The following WASL variants were observed in gnomAD, a reference collection of about 807,000 sequenced individuals.
WASL encodes the protein actin nucleation-promoting factor WASL.
Under a neutral mutation model 55.5 loss-of-function variants are expected in WASL, and 20 were observed. The ratio of observed to expected loss-of-function variants is 0.36; its 90% CI spans 0.25 to 0.52. The LOEUF (loss-of-function observed/expected upper bound fraction) is 0.52. Ranked by LOEUF, WASL falls within the 20% of genes least tolerant of loss-of-function variation. The pLI is 0.92. For missense variants in WASL, 504 were observed against 622.5 expected (o/e 0.81, Z 2.03); for synonymous variants, 249 against 217.6 (o/e 1.14, Z -1.27).
intron 1 of WASL, among the ~76,000 whole-genome samples, chr7:123,735,531 T>C (rs903364349): frequency 2.6e-5 from 4 of 152,222 alleles, no homozygotes; most frequent in South Asian, 2.1e-4. Context: ...ATTAGAACAA[T>C]TGTTATATCT....
chr7:123,711,693 TTAAG>T (rs530006936), intron 1 of WASL, among the ~76,000 whole-genome samples: 104 of 152,238 alleles, frequency 6.8e-4, no homozygotes, highest in African/African-American at 1.5e-3. Context: ...AGTGACTTAA[TTAAG>T]TTTTTACAGA....
intron 1 of WASL, among the ~76,000 whole-genome samples, chr7:123,719,997 G>T (rs1803913383): frequency 6.6e-6 from 1 of 152,018 alleles, no homozygotes; most frequent in Non-Finnish European, 1.5e-5. Context: ...GTTCACTTAG[G>T]TCTTCTCAGC....
chr7:123,748,929 A>G lies in WASL; in HGVS notation c.-195T>C. On this transcript the variant is annotated 5_prime_UTR_variant, in exon 1 of 11. Coordinates refer to ENST00000223023, the MANE Select transcript of WASL (RefSeq NM_003941.4). ...GGCGAGCCACCTTCGCGCCGCGCTG[A>G]GAAAGGGAAGCTCCCGGCACCCGCC... The G allele has an allele frequency of 1.8e-5, 10 of 568,418 alleles. No homozygotes were observed. 35.2% of individuals were successfully genotyped at this position (568,418 alleles called of 1,614,324 possible).
chr7:123,694,288 A>G (rs999302989), intron 8 of WASL, among the ~76,000 whole-genome samples: 3 of 152,206 alleles, frequency 2.0e-5, no homozygotes, highest in Non-Finnish European at 4.4e-5. Context: ...TTCATACTTT[A>G]TCCAAGAAAA....
At chr7:123,708,447 T>C (rs999714125) in intron 2 of WASL, among the ~76,000 whole-genome samples, 12 of 152,290 alleles carry the variant, frequency 7.9e-5, no homozygotes, top group Non-Finnish European at 1.2e-4. Flanking sequence ...GGAGGCTTAC[T>C]TACAGAAAGG....
At chr7:123,740,160 T>C (rs1450198318) in intron 1 of WASL, among the ~76,000 whole-genome samples, 2 of 152,034 alleles carry the variant, frequency 1.3e-5, no homozygotes, top group African/African-American at 4.8e-5. Context: ...AGTAAAGGAG[T>C]TGATTGATAA....
intron 1 of WASL, among the ~76,000 whole-genome samples, chr7:123,723,609 G>A (rs1803991565): frequency 6.6e-6 from 1 of 152,172 alleles, no homozygotes; most frequent in Non-Finnish European, 1.5e-5. Flanking sequence ...CCAGGAACAA[G>A]CACTTGTGCT....
chr7:123,728,576 T>C (rs962533376), intron 1 of WASL, among the ~76,000 whole-genome samples: 1 of 152,128 alleles, frequency 6.6e-6, no homozygotes, highest in Non-Finnish European at 1.5e-5. Context: ...GCGCAGCGGC[T>C]CACACCTGTG....
rs539190410 is a variant in WASL, at chr7:123,727,261, C to G, written c.118-18038G>C. ...AAAGATTGCACAACCACTTGGAGAA[C>G]TATCTGAAAGTTTCTTATAAAAATA... On this transcript the variant is annotated intron_variant, in intron 1 of 10. Coordinates refer to ENST00000223023, the MANE Select transcript of WASL (RefSeq NM_003941.4). 1.4e-4 allele frequency among the ~76,000 whole-genome samples: 22 copies of G among 151,946 alleles called. No individual in the cohort carries two copies. In the South Asian group the frequency reaches 4.4e-3, roughly 30 times the overall value.
chr7:123,693,942 C>A (rs1176866563), intron 8 of WASL, among the ~76,000 whole-genome samples: 1 of 152,134 alleles, frequency 6.6e-6, no homozygotes, highest in East Asian at 1.9e-4. Flanking sequence ...CTATATAAGT[C>A]AATCTATCAA....
chr7:123,686,446 G>A (rs916920551), intron 10 of WASL, among the ~76,000 whole-genome samples: 1 of 152,036 alleles, frequency 6.6e-6, no homozygotes, highest in Non-Finnish European at 1.5e-5. Flanking sequence ...CTATGGTGAA[G>A]AGGAAGAAGT....
chr7:123,695,302 G>A (rs1006746884), intron 7 of WASL, among the ~76,000 whole-genome samples: 3 of 152,066 alleles, frequency 2.0e-5, no homozygotes, highest in African/African-American at 7.2e-5. Flanking sequence ...TAACATTGTA[G>A]CTATAACAAA....
intron 1 of WASL, among the ~76,000 whole-genome samples, chr7:123,730,062 A>G (rs1430364155): frequency 1.3e-5 from 2 of 152,192 alleles, no homozygotes; most frequent in Admixed American, 1.3e-4. Context: ...AGTTGAGTGA[A>G]ATATTTAAAG....
rs150474840 is a variant in WASL, at chr7:123,739,410, G to A, written c.117+9208C>T. On this transcript the variant is annotated intron_variant, in intron 1 of 10. Coordinates refer to ENST00000223023, the MANE Select transcript of WASL (RefSeq NM_003941.4). ...ATATAAACACTCCCCAACTAATGAT[G>A]GTTCCACTTACAATTTTTCAGCTTT... Among the ~76,000 whole-genome samples, 375 of 152,262 alleles carry A rather than the reference G, an allele frequency of 2.5e-3. 3 individuals are homozygous for A. Among genetic ancestry groups the A allele is most frequent in the African/African-American group, 8.4e-3 (348 of 41,534 alleles).
chr7:123,716,731 T>C (rs1803849500), intron 1 of WASL, among the ~76,000 whole-genome samples: 1 of 152,056 alleles, frequency 6.6e-6, no homozygotes, highest in Admixed American at 6.6e-5. Context: ...TTGCTACTAC[T>C]CTTCTGTGGG....
At chr7:123,707,490 AAT>A (rs1177765757) in intron 2 of WASL, among the ~76,000 whole-genome samples, 1 of 152,200 alleles carries the variant, frequency 6.6e-6, no homozygotes, top group African/African-American at 2.4e-5. Flanking sequence ...TAGTATAAAA[AAT>A]ATGTTTAATC....
At chr7:123,709,054 C>A in intron 2 of WASL, 35 bp downstream of exon 2, 1 of 1,553,742 alleles carries the variant, frequency 6.4e-7, no homozygotes, top group South Asian at 1.3e-5. Flanking sequence ...AAAACCTAAT[C>A]ACCTAGTTTA....
chr7:123,688,563 T>C (rs763576596), intron 10 of WASL, among the ~76,000 whole-genome samples: 1 of 152,162 alleles, frequency 6.6e-6, no homozygotes, highest in Non-Finnish European at 1.5e-5. Context: ...AGTTTCTCCA[T>C]GTAGGCCAGG....
At chr7:123,685,601 T>C (rs1469392751) in intron 10 of WASL, among the ~76,000 whole-genome samples, 1 of 151,972 alleles carries the variant, frequency 6.6e-6, no homozygotes, top group Admixed American at 6.6e-5. Flanking sequence ...CTTGCTAATA[T>C]CTAAAATTAT....
Sources: gnomAD v4.1 joint callset for allele counts (sites outside exome capture counted in the v4.1 genomes callset) on GRCh38, gnomAD v4.1.1 for gene constraint, MANE v1.5 for transcripts, NCBI Gene and HGNC (gene_info 2026-07-23, HGNC 2026-07-21) for gene names.